TECRL: variants seen among roughly 807,000 people sequenced by gnomAD.
TECRL encodes trans-2,3-enoyl-CoA reductase-like.
Under a neutral mutation model 52.8 loss-of-function variants are expected in TECRL, and 63 were observed. The ratio of observed to expected loss-of-function variants is 1.19; its 90% CI spans 0.97 to 1.47. The LOEUF (loss-of-function observed/expected upper bound fraction) is 1.47. TECRL is among the 40% of genes most tolerant of loss of function. The pLI, the probability that TECRL is intolerant of heterozygous loss-of-function variation, is 0.00. For synonymous variants in TECRL, 164 were observed against 141.9 expected, an observed-to-expected ratio of 1.16 and a Z score of -1.10; for missense variants, 482 against 429.6, an observed-to-expected ratio of 1.12 and a Z score of -1.08.
rs987896585 is a variant in TECRL, at chr4:64,278,564, A to G, written c.*1508T>C. ...ATATAATTTATAGTGGTCAGATCAG[A>G]GAAATTAGAGTATCCATGGTTTCAA... On this transcript the variant is annotated 3_prime_UTR_variant, in exon 12 of 12. Coordinates refer to ENST00000381210, the MANE Select transcript of TECRL (RefSeq NM_001010874.5). 7.5e-5 allele frequency: 12 copies of G among 159,370 alleles called. No individual in the cohort carries two copies. Among genetic ancestry groups the G allele is most frequent in the African/African-American group, 2.9e-4 (12 of 41,692 alleles). 9.9% of individuals were successfully genotyped at this position (159,370 alleles called of 1,614,324 possible).
intron 2 of TECRL, among the ~76,000 whole-genome samples, chr4:64,372,576 A>T (rs556750717): frequency 2.6e-5 from 4 of 151,870 alleles, no homozygotes; most frequent in African/African-American, 7.2e-5. Context: ...TATAGAAAAG[A>T]CATATTACAG....
intron 1 of TECRL, among the ~76,000 whole-genome samples, chr4:64,392,532 A>G (rs1723617987): frequency 6.6e-6 from 1 of 151,904 alleles, no homozygotes; most frequent in African/African-American, 2.4e-5. Context: ...CTGCTTTCCT[A>G]GAGCCCATTA....
chr4:64,349,652 T>C (rs1189332443), intron 2 of TECRL, among the ~76,000 whole-genome samples: 3 of 152,200 alleles, frequency 2.0e-5, no homozygotes, highest in Non-Finnish European at 4.4e-5. Flanking sequence ...TTACTTAGCA[T>C]ATAGTGATTG....
intron 2 of TECRL, among the ~76,000 whole-genome samples, chr4:64,351,671 T>C (rs1720398101): frequency 6.6e-6 from 1 of 152,202 alleles, no homozygotes; most frequent in African/African-American, 2.4e-5. Flanking sequence ...ACAAATTCTA[T>C]GCATGTAACA....
At chr4:64,354,438 A>G (rs1213761996) in intron 2 of TECRL, among the ~76,000 whole-genome samples, 1 of 152,224 alleles carries the variant, frequency 6.6e-6, no homozygotes, top group Non-Finnish European at 1.5e-5. Context: ...TCTCTTTTAC[A>G]GCAGGACAAG....
chr4:64,395,621 C>T (rs1444154010), intron 1 of TECRL, among the ~76,000 whole-genome samples: 1 of 152,072 alleles, frequency 6.6e-6, no homozygotes, highest in Non-Finnish European at 1.5e-5. Flanking sequence ...GATTATTTCC[C>T]CAAAATACAA....
chr4:64,321,857 T>C (rs780058172), intron 4 of TECRL, among the ~76,000 whole-genome samples: 4 of 152,216 alleles, frequency 2.6e-5, no homozygotes, highest in Admixed American at 6.5e-5. Context: ...TGCCAAAAGT[T>C]TGTTTCTCTG....
intron 2 of TECRL, among the ~76,000 whole-genome samples, chr4:64,346,289 C>T (rs1317805590): frequency 6.6e-6 from 1 of 152,212 alleles, no homozygotes; most frequent in African/African-American, 2.4e-5. Context: ...TGTTTTCTCA[C>T]AGCCCCACTA....
intron 1 of TECRL, among the ~76,000 whole-genome samples, chr4:64,384,690 C>A (rs1464796352): frequency 6.6e-6 from 1 of 152,084 alleles, no homozygotes; most frequent in African/African-American, 2.4e-5. Flanking sequence ...TGTTCTCAGG[C>A]CCCCTGATGG....
chr4:64,364,717 A>G (rs1244404855), intron 2 of TECRL, among the ~76,000 whole-genome samples: 3 of 152,048 alleles, frequency 2.0e-5, no homozygotes, highest in Non-Finnish European at 2.9e-5. Flanking sequence ...AAATAAATTG[A>G]AATCCTGTAC....
At chr4:64,379,229 C>T (rs1021077510) in intron 1 of TECRL, among the ~76,000 whole-genome samples, 1 of 116,664 alleles carries the variant, frequency 8.6e-6, no homozygotes, top group South Asian at 3.2e-4. Context: ...TTTATTTATG[C>T]AAACACACAC....
intron 1 of TECRL, among the ~76,000 whole-genome samples, chr4:64,378,194 A>T (rs1722531501): frequency 2.0e-5 from 3 of 152,148 alleles, no homozygotes; most frequent in Admixed American, 1.3e-4. Flanking sequence ...GACACAAGGA[A>T]GAAAATTGCC....
chr4:64,394,642 C>A (rs2109757692), intron 1 of TECRL, among the ~76,000 whole-genome samples: 1 of 152,246 alleles, frequency 6.6e-6, no homozygotes, highest in African/African-American at 2.4e-5. Flanking sequence ...AAAGATAGGT[C>A]TTGAACACAG....
At chr4:64,329,941 CTG>C (rs1286034912) in intron 2 of TECRL, among the ~76,000 whole-genome samples, 2 of 151,512 alleles carry the variant, frequency 1.3e-5, no homozygotes, top group Non-Finnish European at 3.0e-5. Context: ...TAAGGGAAAA[CTG>C]AGGGTTCTAC....
At chr4:64,341,334 C>T (rs1427670100) in intron 2 of TECRL, among the ~76,000 whole-genome samples, 1 of 152,174 alleles carries the variant, frequency 6.6e-6, no homozygotes, top group African/African-American at 2.4e-5. Flanking sequence ...GGCAAGGTGG[C>T]TGACACCTGT....
chr4:64,347,415 T>C (rs1720067360), intron 2 of TECRL, among the ~76,000 whole-genome samples: 1 of 152,230 alleles, frequency 6.6e-6, no homozygotes, highest in African/African-American at 2.4e-5. Flanking sequence ...ATTTAATGCC[T>C]AATGGCCTTA....
At position 64,294,080 on chromosome 4, in the gene TECRL, G is replaced by A. The variant is rs562586130; in HGVS notation, c.775-4313C>T. On this transcript the variant is annotated intron_variant, in intron 8 of 11. Coordinates refer to ENST00000381210, the MANE Select transcript of TECRL (RefSeq NM_001010874.5). ...TGGCTCACTACAACCTCTGCCTCCC[G>A]GGCTCAAGCAATTTTCCTGCCTCAG... Among the ~76,000 whole-genome samples the A allele has an allele frequency of 6.6e-5, 10 of 151,426 alleles. No homozygotes were observed. The South Asian group carries it at 1.9e-3, about 28-fold the overall frequency.
intron 2 of TECRL, among the ~76,000 whole-genome samples, chr4:64,372,594 A>T (rs185126742): frequency 6.6e-6 from 1 of 151,814 alleles, no homozygotes; most frequent in African/African-American, 2.4e-5. Context: ...CAGTAAAAAA[A>T]GTTCTAAAAT....
chr4:64,400,549 A>G (rs1327995293), intron 1 of TECRL, among the ~76,000 whole-genome samples: 1 of 152,168 alleles, frequency 6.6e-6, no homozygotes, highest in East Asian at 1.9e-4. Flanking sequence ...CCCTGCCCAA[A>G]TCTCATGTAT....
Sources: allele counts gnomAD v4.1 joint callset (sites outside exome capture counted in the v4.1 genomes callset), GRCh38; gene constraint gnomAD v4.1.1; transcripts MANE v1.5; gene names NCBI Gene and HGNC (gene_info 2026-07-23, HGNC 2026-07-21).